Variants in PDE1A observed in about 807,000 individuals in gnomAD.
PDE1A encodes phosphodiesterase 1A.
PDE1A carries 35 observed loss-of-function variants against 61.7 expected under a neutral mutation model. That is an observed-to-expected ratio of 0.57 (90% CI 0.43 to 0.75). The LOEUF (loss-of-function observed/expected upper bound fraction) is 0.75, where lower values mean the gene tolerates loss of function less well. Among genes scored for constraint, PDE1A ranks in the 30% least tolerant of loss-of-function variants. The pLI, the probability that PDE1A is intolerant of heterozygous loss-of-function variation, is 0.00. For synonymous variants in PDE1A, 232 were observed against 213.2 expected, an observed-to-expected ratio of 1.09 and a Z score of -0.77; for missense variants, 597 against 630.6, an observed-to-expected ratio of 0.95 and a Z score of 0.57.
chr2:182,413,663 A>G (rs1702749543), intron 1 of PDE1A, among the ~76,000 whole-genome samples: 1 of 152,190 alleles, frequency 6.6e-6, no homozygotes, highest in African/African-American at 2.4e-5. Context: ...AAACTTTCAT[A>G]TGTTTATAGA....
chr2:182,217,492 T>A (rs1354631985), intron 7 of PDE1A, among the ~76,000 whole-genome samples: 1 of 134,862 alleles, frequency 7.4e-6, no homozygotes, highest in Non-Finnish European at 1.6e-5. Flanking sequence ...ACCTACAAAA[T>A]GGGAGAAAAT....
At chr2:182,626,455 C>T in the PDE1A span, among the ~76,000 whole-genome samples, 6 of 151,430 alleles carry the variant, frequency 4.0e-5, no homozygotes, top group African/African-American at 1.5e-4. Flanking sequence ...GCTTTAAAGG[C>T]CATTGCTTTT....
exon 15 of PDE1A, chr2:182,141,290 C>T (rs1326329211): frequency 6.6e-6 from 1 of 152,030 alleles, no homozygotes; most frequent in African/African-American, 2.4e-5. Flanking sequence ...AAATAGCTTG[C>T]TTTAAAAAGA....
At chr2:182,483,250 T>G (rs190770367) in intron 2 of PDE1A, among the ~76,000 whole-genome samples, 1 of 151,900 alleles carries the variant, frequency 6.6e-6, no homozygotes, top group Admixed American at 6.6e-5. Flanking sequence ...TTTAATACTG[T>G]ATTCTCAATA....
At chr2:182,187,562 C>A (rs541084955) in intron 11 of PDE1A, among the ~76,000 whole-genome samples, 100 of 152,176 alleles carry the variant, frequency 6.6e-4, no homozygotes, top group African/African-American at 2.3e-3. Flanking sequence ...GATTGTCCAT[C>A]AGATGCTTGG....
At chr2:182,210,441 T>C (rs1481754287) in intron 7 of PDE1A, among the ~76,000 whole-genome samples, 4 of 152,234 alleles carry the variant, frequency 2.6e-5, no homozygotes, top group Non-Finnish European at 4.4e-5. Context: ...ATTTGCCATT[T>C]GTATATCTTC....
chr2:182,294,053 A>T (rs2125895303), intron 1 of PDE1A, among the ~76,000 whole-genome samples: 1 of 152,340 alleles, frequency 6.6e-6, no homozygotes, highest in African/African-American at 2.4e-5. Flanking sequence ...ACATAGAAAT[A>T]ATTTATGTCT....
chr2:182,340,629 T>C (rs1466415443), intron 1 of PDE1A, among the ~76,000 whole-genome samples: 3 of 152,110 alleles, frequency 2.0e-5, no homozygotes, highest in Admixed American at 1.3e-4. Flanking sequence ...TCTGTGAAAA[T>C]TGCATGACTA....
intron 13 of PDE1A, among the ~76,000 whole-genome samples, chr2:182,157,727 A>G (rs1691173095): frequency 6.6e-6 from 1 of 152,228 alleles, no homozygotes; most frequent in Non-Finnish European, 1.5e-5. Context: ...TGCATAATCC[A>G]AAATTCTAGG....
intron 1 of PDE1A, among the ~76,000 whole-genome samples, chr2:182,333,345 GC>G (rs1697554842): frequency 6.6e-6 from 1 of 152,142 alleles, no homozygotes; most frequent in Admixed American, 6.5e-5. Flanking sequence ...ACACTCCTCA[GC>G]AAATGCAAAA....
intron 10 of PDE1A, among the ~76,000 whole-genome samples, chr2:182,198,974 G>C (rs1686376362): frequency 6.6e-6 from 1 of 151,904 alleles, no homozygotes; most frequent in African/African-American, 2.4e-5. Context: ...AGTCATCTAA[G>C]CCTAGAGTTT....
chr2:182,437,357 ATAAT>A (rs1684497140), intron 2 of PDE1A, among the ~76,000 whole-genome samples: 1 of 151,988 alleles, frequency 6.6e-6, no homozygotes, highest in African/African-American at 2.4e-5. Context: ...AACCGTAAAA[ATAAT>A]TAATTGATTA....
At chr2:182,376,786 A>G (rs984532700) in intron 1 of PDE1A, among the ~76,000 whole-genome samples, 2 of 152,192 alleles carry the variant, frequency 1.3e-5, no homozygotes, top group Non-Finnish European at 2.9e-5. Flanking sequence ...TTACAGTTCC[A>G]TGTGGCTGGG....
the PDE1A span, among the ~76,000 whole-genome samples, chr2:182,694,969 ATAT>A: frequency 6.6e-6 from 1 of 152,034 alleles, no homozygotes; most frequent in Non-Finnish European, 1.5e-5. Flanking sequence ...GGGAAGTAAC[ATAT>A]TATTTTATAA....
At chr2:182,452,537 C>T (rs1574692370) in intron 2 of PDE1A, among the ~76,000 whole-genome samples, 1 of 152,024 alleles carries the variant, frequency 6.6e-6, no homozygotes, top group Admixed American at 6.6e-5. Flanking sequence ...GTTTAACTTC[C>T]AGCACCTTGA....
At chr2:182,315,181 A>G (rs1696255676) in intron 1 of PDE1A, among the ~76,000 whole-genome samples, 1 of 152,220 alleles carries the variant, frequency 6.6e-6, no homozygotes, top group African/African-American at 2.4e-5. Flanking sequence ...GAATGACATC[A>G]AGATTTTTAA....
chr2:182,429,452 T>C (rs151201325), upstream of PDE1A, among the ~76,000 whole-genome samples: 562 of 152,204 alleles, frequency 3.7e-3, 2 homozygotes, highest in African/African-American at 0.013. Flanking sequence ...TTATTATGAA[T>C]AGTTTTTTTC....
At chr2:182,178,575 G>T (rs1441251727) in intron 13 of PDE1A, among the ~76,000 whole-genome samples, 5 of 152,088 alleles carry the variant, frequency 3.3e-5, no homozygotes, top group African/African-American at 1.2e-4. Context: ...CTGAGAAAAA[G>T]TCAGGGATCC....
chr2:182,557,681 T>C, the PDE1A span, among the ~76,000 whole-genome samples: 1 of 152,010 alleles, frequency 6.6e-6, no homozygotes, highest in African/African-American at 2.4e-5. Context: ...CACTGCACTC[T>C]AGCCTAGGCA....
Sources: gnomAD v4.1 joint callset for allele counts (sites outside exome capture counted in the v4.1 genomes callset) on GRCh38, gnomAD v4.1.1 for gene constraint, MANE v1.5 for transcripts, NCBI Gene and HGNC (gene_info 2026-07-23, HGNC 2026-07-21) for gene names.